HNRNPLL: variants seen among roughly 807,000 people sequenced by gnomAD.
HNRNPLL encodes the protein heterogeneous nuclear ribonucleoprotein L like.
A neutral mutation model predicts 67.1 loss-of-function variants in HNRNPLL; 25 were observed. The observed-to-expected ratio is 0.37, with a 90% confidence interval of 0.27 to 0.52. HNRNPLL has a LOEUF of 0.52. Among genes scored for constraint, HNRNPLL ranks in the 20% least tolerant of loss-of-function variants. The pLI is 0.90. For missense variants in HNRNPLL, 542 were observed against 673.9 expected (o/e 0.80, Z 2.17); for synonymous variants, 267 against 241.7 (o/e 1.10, Z -0.97).
chr2:38,586,582 G>A (rs574510084), intron 2 of HNRNPLL, among the ~76,000 whole-genome samples: 2 of 152,174 alleles, frequency 1.3e-5, no homozygotes, highest in Admixed American at 6.6e-5. Context: ...TACCTCTCTC[G>A]AATTTTCTTG....
chr2:38,596,523 G>A (rs1358084131), intron 1 of HNRNPLL, among the ~76,000 whole-genome samples: 1 of 152,160 alleles, frequency 6.6e-6, no homozygotes, highest in Non-Finnish European at 1.5e-5. Context: ...CTCCCGAAGT[G>A]TTGGGATTAC....
chr2:38,602,871 G>GCCTCTC lies in HNRNPLL; in HGVS notation c.-251_-246dup. ...CTCTCAATTACCGAGCCAACATTCA[G>GCCTCTC]CCTCTCCCTCCTCCTCCTCCGTCTC... On this transcript the variant is annotated 5_prime_UTR_variant, in exon 1 of 13. Transcript: ENST00000449105. The GCCTCTC allele has an allele frequency of 6.5e-7, 1 of 1,549,288 alleles. No individual in the cohort carries two copies. Among genetic ancestry groups the GCCTCTC allele is most frequent in the Non-Finnish European group, 8.7e-7 (1 of 1,146,224 alleles).
At chr2:38,564,357 A>G (rs919462361) in intron 12 of HNRNPLL, 120 bp from the exon 13 acceptor site, 6 of 618,820 alleles carry the variant, frequency 9.7e-6, no homozygotes, top group East Asian at 5.8e-5. Flanking sequence ...GTGAATATAA[A>G]GCAGGAATAT....
At position 38,569,229 on chromosome 2, in the gene HNRNPLL, A is replaced by C; in HGVS notation, c.1320T>G (p.Ser440Arg). ...TTATATTCTTAGATGCTTGGCCAGC[A>C]CTTGTAAAGCGATTATTTTTGCTCA... ...FAMSKNNRFT[S>R]AGQASKNIIQ... The change falls in exon 10 of 13, where the codon AGT (serine) becomes AGG (arginine). Residue 440 changes from serine to arginine, a missense_variant. By Grantham distance (110) the Ser-to-Arg change is moderately radical. Coordinates refer to ENST00000449105, the MANE Select transcript of HNRNPLL (RefSeq NM_138394.4). 6.2e-7 allele frequency: 1 copy of C among 1,613,010 alleles called. No homozygotes were observed. The highest frequency in any genetic ancestry group is 8.5e-7 in the Non-Finnish European group (1 of 1,179,028).
Position 38,597,966 on chromosome 2 carries a change from C to T in HNRNPLL, c.189+4472G>A, listed in dbSNP as rs113198535. On this transcript the variant is annotated intron_variant, in intron 1 of 12. Transcript: ENST00000449105. ...CCTCCCAAATTGCTGGGATTACAGG[C>T]GTGAGCCACCGTGCCCGGCCAAGTC... 3.8e-3 allele frequency among the ~76,000 whole-genome samples: 583 copies of T among 152,124 alleles called. 3 individuals are homozygous for T. The highest frequency in any genetic ancestry group is 0.013 in the African/African-American group (552 of 41,516).
chr2:38,596,708 CT>C (rs992260286), intron 1 of HNRNPLL, among the ~76,000 whole-genome samples: 3 of 152,072 alleles, frequency 2.0e-5, no homozygotes, highest in African/African-American at 7.2e-5. Context: ...TTAAGGAGTC[CT>C]TTTTTTAATC....
rs1354592152 is a variant in HNRNPLL at position 38,585,896 on chromosome 2, A to G, written c.309-15T>C. On this transcript the variant is annotated splice_polypyrimidine_tract_variant and intron_variant, in intron 2 of 12. Coordinates refer to ENST00000449105, the MANE Select transcript of HNRNPLL (RefSeq NM_138394.4). ...TCATCACATAGCTGAAAAGGGAGAA[A>G]AGGAGGAAACACACAAACACAGCAA... is the stretch of plus-strand genomic sequence containing the variant. 2.7e-6 allele frequency: 4 copies of G among 1,471,010 alleles called. No homozygotes were observed. Among genetic ancestry groups the G allele is most frequent in the African/African-American group, 2.8e-5 (2 of 72,158 alleles). 91.1% of individuals were successfully genotyped at this position (1,471,010 alleles called of 1,614,324 possible).
chr2:38,602,348 C>T, intron 1 of HNRNPLL, 90 bp downstream of exon 1: 8 of 1,289,534 alleles, frequency 6.2e-6, no homozygotes, highest in Non-Finnish European at 6.4e-6. Context: ...GCGGAAAAGG[C>T]TAACTGAAGC....
At position 38,587,275 on chromosome 2, in the gene HNRNPLL, G is replaced by C. The variant is rs1465872366; in HGVS notation, c.309-1394C>G. 3.9e-5 allele frequency among the ~76,000 whole-genome samples: 6 copies of C among 152,146 alleles called. No homozygotes were observed. The East Asian group carries it at 1.2e-3, about 29-fold the overall frequency. On this transcript the variant is annotated intron_variant, in intron 2 of 12. Coordinates refer to ENST00000449105, the MANE Select transcript of HNRNPLL (RefSeq NM_138394.4). ...CCTCATTTATAAAACTTGGAGAATTGTCAAGATTAGAGTTACTACATACAA... is the reference window on the plus strand; with the variant it reads ...CCTCATTTATAAAACTTGGAGAATTCTCAAGATTAGAGTTACTACATACAA...
rs142665224 is a variant in HNRNPLL at position 38,574,627 on chromosome 2, GTA to G, written c.875-1202_875-1201del. Among the ~76,000 whole-genome samples the G allele has an allele frequency of 2.4e-3, 370 of 151,748 alleles. 1 individual carries two copies. Among genetic ancestry groups the G allele is most frequent in the African/African-American group, 8.5e-3 (351 of 41,460 alleles). On this transcript the variant is annotated intron_variant, in intron 7 of 12. Coordinates refer to ENST00000449105, the MANE Select transcript of HNRNPLL (RefSeq NM_138394.4). ...AGCTTATGGTGGACTCCAATTTTTG[GTA>G]TTCTAACAGCTGCCATTCATAACAA...
chr2:38,601,058 C>G (rs1184305940), intron 1 of HNRNPLL, among the ~76,000 whole-genome samples: 1 of 152,206 alleles, frequency 6.6e-6, no homozygotes, highest in Non-Finnish European at 1.5e-5. Context: ...TTATAATATT[C>G]CTGTTTCCAA....
intron 2 of HNRNPLL, among the ~76,000 whole-genome samples, chr2:38,588,546 C>CAAAAAAA (rs70954733): frequency 0.12 from 5,865 of 50,720 alleles, 508 homozygotes; most frequent in Non-Finnish European, 0.16. Flanking sequence ...AACTCCATCT[C>CAAAAAAA]AAAAAAAAAA....
chr2:38,582,020 C>T (rs2253519), intron 5 of HNRNPLL, 35 bp from the exon 6 acceptor site: 274,196 of 1,594,676 alleles, frequency 0.17, 26,515 homozygotes, highest in African/African-American at 0.41. Flanking sequence ...GTTCAAACTG[C>T]ATATCCAAAG....
In HNRNPLL at chr2:38,568,406, T is replaced by C. The variant is rs1665952486; in HGVS notation, c.1454A>G (p.Tyr485Cys). ...NDHEVLTFIK[Y>C]KVFDAKPSAK... Reference sequence around the variant, plus strand: ...CTTACGTTTTGCATCAAACACTTTATATTTGATGAATGTAAGAACTTCATG... The same window carrying C: ...CTTACGTTTTGCATCAAACACTTTACATTTGATGAATGTAAGAACTTCATG... The change falls in exon 11 of 13, where the codon TAT becomes TGT. Residue 485 changes from tyrosine (Y) to cysteine (C), a missense_variant. This residue lies in a region of HNRNPLL where 415 missense variants were observed against 575.2 expected (regional missense o/e 0.72). Coordinates refer to ENST00000449105, the MANE Select transcript of HNRNPLL (RefSeq NM_138394.4). The C allele has an allele frequency of 6.2e-7, 1 of 1,609,562 alleles. No homozygotes were observed. Among genetic ancestry groups the C allele is most frequent in the Non-Finnish European group, 8.5e-7 (1 of 1,176,804 alleles).
chr2:38,594,339 T>C (rs1667089287), intron 1 of HNRNPLL, among the ~76,000 whole-genome samples: 2 of 152,202 alleles, frequency 1.3e-5, no homozygotes, highest in Admixed American at 6.5e-5. Context: ...ATTATCACTG[T>C]CTTTAGTAAG....
chr2:38,583,997 G>T, intron 3 of HNRNPLL, 71 bp from the exon 4 acceptor site: 2 of 602,200 alleles, frequency 3.3e-6, no homozygotes, highest in Non-Finnish European at 5.7e-6. Context: ...ACTTCGTTTT[G>T]TTTTACCTAA....
rs1162695352 is a variant in HNRNPLL at position 38,566,170 on chromosome 2, C to T, written c.1574-1933G>A. 7.0e-6 allele frequency: 5 copies of T among 711,962 alleles called. No individual in the cohort carries two copies. In the East Asian group the frequency reaches 5.3e-4, roughly 75 times the overall value. The allele number at this position is 711,962 out of a possible 1,614,324, so 44.1% of individuals were successfully genotyped here. The stretch of plus-strand genomic sequence containing the variant: ...GATCATGAGGTCCAGGAGTTCGAGA[C>T]CAGCCTGGCCAACGTGGTGAAACCC... On this transcript the variant is annotated intron_variant, in intron 12 of 12. Coordinates refer to ENST00000449105, the MANE Select transcript of HNRNPLL (RefSeq NM_138394.4).
At chr2:38,589,502 C>T (rs1438037483) in intron 2 of HNRNPLL, among the ~76,000 whole-genome samples, 2 of 152,172 alleles carry the variant, frequency 1.3e-5, no homozygotes, top group Non-Finnish European at 2.9e-5. Flanking sequence ...CCTATTTATG[C>T]CAATTAAGCT....
chr2:38,581,072 G>A (rs1384278487), intron 6 of HNRNPLL: 1 of 152,204 alleles, frequency 6.6e-6, no homozygotes, highest in Non-Finnish European at 1.5e-5. Flanking sequence ...TGCAGCAAGT[G>A]TGCACCTTTC....
Sources: gnomAD v4.1 joint callset for allele counts (sites outside exome capture counted in the v4.1 genomes callset) on GRCh38, gnomAD v4.1.1 for gene constraint, gnomAD v4.1.1 regional missense constraint, MANE v1.5 for transcripts, NCBI Gene and HGNC (gene_info 2026-07-23, HGNC 2026-07-21) for gene names.